PRICKLE1: variants seen among roughly 807,000 people sequenced by gnomAD.
PRICKLE1 encodes prickle-like protein 1.
In PRICKLE1, 14 loss-of-function variants were observed where a neutral mutation model predicts 70.2. The observed-to-expected ratio is 0.20, with a 90% CI of 0.13 to 0.31. The LOEUF (loss-of-function observed/expected upper bound fraction) is 0.31, where lower values mean the gene tolerates loss of function less well. Ranked by LOEUF, PRICKLE1 falls within the 10% of genes least tolerant of loss-of-function variation. PRICKLE1 has a pLI of 1.00. For missense variants in PRICKLE1, 821 were observed against 1,026.2 expected, an observed-to-expected ratio of 0.80 and a Z score of 2.73; for synonymous variants, 357 against 379.9, an observed-to-expected ratio of 0.94 and a Z score of 0.70.
chr12:42,497,284 G>C (rs933429420), intron 1 of PRICKLE1, among the ~76,000 whole-genome samples: 1 of 152,140 alleles, frequency 6.6e-6, no homozygotes, highest in Non-Finnish European at 1.5e-5. Flanking sequence ...GGTGGCTCAC[G>C]CCTGTAATTC....
intron 1 of PRICKLE1, among the ~76,000 whole-genome samples, chr12:42,509,748 A>T (rs1054549371): frequency 2.6e-5 from 4 of 152,116 alleles, no homozygotes; most frequent in Non-Finnish European, 5.9e-5. Flanking sequence ...GGCCTTTACT[A>T]AGAAATAGCT....
chr12:42,497,151 G>T (rs1488522830), intron 1 of PRICKLE1, among the ~76,000 whole-genome samples: 2 of 152,058 alleles, frequency 1.3e-5, no homozygotes, highest in Non-Finnish European at 2.9e-5. Context: ...ATATTAACTG[G>T]CCCAATTGCA....
At chr12:42,504,700 A>G (rs1939374629) in intron 1 of PRICKLE1, among the ~76,000 whole-genome samples, 1 of 152,214 alleles carries the variant, frequency 6.6e-6, no homozygotes, top group Non-Finnish European at 1.5e-5. Context: ...GCTTCAAAAA[A>G]TGGCTATAAT....
chr12:42,536,204 C>T (rs73277838), intron 1 of PRICKLE1, among the ~76,000 whole-genome samples: 4,552 of 152,274 alleles, frequency 0.03, 233 homozygotes, highest in African/African-American at 0.1. Context: ...AAGACTTAGA[C>T]ACTGGAACTG....
intron 1 of PRICKLE1, among the ~76,000 whole-genome samples, chr12:42,475,958 G>T (rs1445026608): frequency 6.6e-6 from 1 of 151,452 alleles, no homozygotes; most frequent in East Asian, 2.0e-4. Flanking sequence ...AAGTCAGCTG[G>T]GCGTGGTGGT....
chr12:42,584,879 T>G (rs572838778), intron 1 of PRICKLE1, among the ~76,000 whole-genome samples: 37 of 152,228 alleles, frequency 2.4e-4, no homozygotes, highest in Non-Finnish European at 4.9e-4. Flanking sequence ...TATTGACAGA[T>G]CTTTCTTCCG....
At chr12:42,559,539 C>T (rs1300976497) in intron 1 of PRICKLE1, among the ~76,000 whole-genome samples, 2 of 150,440 alleles carry the variant, frequency 1.3e-5, no homozygotes, top group Non-Finnish European at 2.9e-5. Context: ...TGCCACCATG[C>T]CCAGCAAATT....
intron 1 of PRICKLE1, among the ~76,000 whole-genome samples, chr12:42,491,456 G>T (rs1249661845): frequency 1.3e-5 from 2 of 151,846 alleles, no homozygotes; most frequent in Non-Finnish European, 2.9e-5. Flanking sequence ...GGGAGGCTGA[G>T]CCAGGAGAAT....
chr12:42,512,342 T>C (rs572593929), intron 1 of PRICKLE1, among the ~76,000 whole-genome samples: 13 of 151,612 alleles, frequency 8.6e-5, no homozygotes, highest in Admixed American at 3.9e-4. Flanking sequence ...AGCTAATTTT[T>C]TTTGTATTTT....
intron 1 of PRICKLE1, among the ~76,000 whole-genome samples, chr12:42,502,214 TAC>T (rs3055776): frequency 0.17 from 25,764 of 150,628 alleles, 2,926 homozygotes; most frequent in African/African-American, 0.31. Context: ...CCTATATATA[TAC>T]ACACACCTAT....
At chr12:42,500,965 C>G (rs1348851083) in intron 1 of PRICKLE1, among the ~76,000 whole-genome samples, 1 of 152,178 alleles carries the variant, frequency 6.6e-6, no homozygotes, top group Non-Finnish European at 1.5e-5. Flanking sequence ...CATGGTCAAC[C>G]ATTTCTGAAC....
intron 1 of PRICKLE1, among the ~76,000 whole-genome samples, chr12:42,493,402 C>T (rs903488796): frequency 6.6e-6 from 1 of 152,050 alleles, no homozygotes; most frequent in Non-Finnish European, 1.5e-5. Context: ...AGGTCATTTG[C>T]TCTTTTTGGC....
At chr12:42,533,601 T>C (rs975210846) in intron 1 of PRICKLE1, among the ~76,000 whole-genome samples, 2 of 152,144 alleles carry the variant, frequency 1.3e-5, no homozygotes, top group African/African-American at 4.8e-5. Context: ...TCATTATTTA[T>C]AAAGTTGCCA....
At chr12:42,575,094 A>G (rs1001084277) in intron 1 of PRICKLE1, among the ~76,000 whole-genome samples, 3 of 152,044 alleles carry the variant, frequency 2.0e-5, no homozygotes, top group African/African-American at 7.2e-5. Context: ...TCATTACATA[A>G]TGTTGTCTAA....
At chr12:42,570,505 T>A (rs1169117327) in intron 1 of PRICKLE1, among the ~76,000 whole-genome samples, 1 of 152,192 alleles carries the variant, frequency 6.6e-6, no homozygotes, top group Non-Finnish European at 1.5e-5. Flanking sequence ...ATTTCCAAAT[T>A]CAAATGTGCC....
chr12:42,539,605 T>C (rs1305108771), intron 1 of PRICKLE1, among the ~76,000 whole-genome samples: 1 of 152,226 alleles, frequency 6.6e-6, no homozygotes, highest in Admixed American at 6.5e-5. Flanking sequence ...ACAATTCTTA[T>C]GATGGCTTTC....
chr12:42,555,806 C>T lies in PRICKLE1; in HGVS notation c.-49+33659G>A, dbSNP rs747910671. ...CCTTCTAGAATGGCCATTATTTCTGCATAGCATTTTCTTTATATACCACTT... is the reference window on the plus strand; with the variant it reads ...CCTTCTAGAATGGCCATTATTTCTGTATAGCATTTTCTTTATATACCACTT... On this transcript the variant is annotated intron_variant, in intron 1 of 7. Coordinates refer to ENST00000345127, the MANE Select transcript of PRICKLE1 (RefSeq NM_153026.3). Among the ~76,000 whole-genome samples, 19 of 152,282 alleles carry T rather than the reference C, an allele frequency of 1.2e-4. 1 individual carries two copies. The highest frequency in any genetic ancestry group is 3.4e-3 in the Middle Eastern group (1 of 294).
intron 1 of PRICKLE1, among the ~76,000 whole-genome samples, chr12:42,559,638 G>A (rs1306838183): frequency 3.0e-5 from 2 of 66,476 alleles, no homozygotes; most frequent in African/African-American, 6.2e-5. Flanking sequence ...TTTTTTTTTG[G>A]GGGGGGTAGA....
chr12:42,468,361 T>C (rs878885926), intron 5 of PRICKLE1, among the ~76,000 whole-genome samples: 15 of 152,212 alleles, frequency 9.9e-5, no homozygotes, highest in Admixed American at 5.9e-4. Flanking sequence ...ATAATACTTA[T>C]CAAAGTACAA....
Sources: gnomAD v4.1 joint callset for allele counts (sites outside exome capture counted in the v4.1 genomes callset) on GRCh38, gnomAD v4.1.1 for gene constraint, MANE v1.5 for transcripts, NCBI Gene and HGNC (gene_info 2026-07-23, HGNC 2026-07-21) for gene names.